GRIK5: variants seen among roughly 807,000 people sequenced by gnomAD.
GRIK5 encodes the protein glutamate receptor ionotropic, kainate 5.
Under a neutral mutation model 97.4 loss-of-function variants are expected in GRIK5, and 43 were observed. The observed-to-expected ratio is 0.44, with a 90% CI of 0.35 to 0.57. GRIK5 has a LOEUF of 0.57. Ranked by LOEUF, GRIK5 falls within the 20% of genes least tolerant of loss-of-function variation. GRIK5 has a pLI of 0.01. For synonymous variants in GRIK5, 580 were observed against 583.5 expected, an observed-to-expected ratio of 0.99 and a Z score of 0.09; for missense variants, 1,015 against 1,382.0, an observed-to-expected ratio of 0.73 and a Z score of 4.21.
intron 8 of GRIK5, among the ~76,000 whole-genome samples, chr19:42,055,698 G>C (rs1322676970): frequency 6.6e-6 from 1 of 150,628 alleles, no homozygotes; most frequent in Non-Finnish European, 1.5e-5. Flanking sequence ...TTTTTCTTTT[G>C]AGACAGAGTC....
chr19:42,007,871 A>G (rs1555873060), intron 15 of GRIK5, among the ~76,000 whole-genome samples: 8 of 152,212 alleles, frequency 5.3e-5, no homozygotes, highest in Non-Finnish European at 1.5e-5. Flanking sequence ...GGATTAAGTT[A>G]GCCCTAGAAT....
intron 12 of GRIK5, among the ~76,000 whole-genome samples, chr19:42,024,203 C>T (rs1325710872): frequency 6.6e-6 from 1 of 151,560 alleles, no homozygotes; most frequent in Non-Finnish European, 1.5e-5. Flanking sequence ...CTCTCACATT[C>T]CCCATTGGCC....
At chr19:42,034,179 T>C (rs2075873667) in intron 12 of GRIK5, among the ~76,000 whole-genome samples, 1 of 151,990 alleles carries the variant, frequency 6.6e-6, no homozygotes, top group African/African-American at 2.4e-5. Context: ...CTGGCCAACA[T>C]GGCAAAACTC....
At position 42,042,268 on chromosome 19, in the gene GRIK5, C is replaced by T. The variant is rs974976362; in HGVS notation, c.1473+284G>A. Reference sequence around the variant, plus strand: ...TGTCTCTTTCATTCACTTAACAAATCTTTGCACACCGACTAATCCAAGGTG... The same window carrying T: ...TGTCTCTTTCATTCACTTAACAAATTTTTGCACACCGACTAATCCAAGGTG... On this transcript the variant is annotated intron_variant, in intron 12 of 19. Coordinates refer to ENST00000593562, the MANE Select transcript of GRIK5 (RefSeq NM_002088.5). The surrounding 1 kb of genome is among the most constrained non-coding windows in gnomAD (Gnocchi z 6.9). Among the ~76,000 whole-genome samples the T allele has an allele frequency of 6.6e-6, 1 of 152,206 alleles. No individual in the cohort carries two copies. Among genetic ancestry groups the T allele is most frequent in the Non-Finnish European group, 1.5e-5 (1 of 68,026 alleles).
Position 42,006,255 on chromosome 19 carries a change from G to A in GRIK5, c.2038-307C>T, listed in dbSNP as rs782258735. ...ACTCAGGCCTCCTTTAGACCACTAG[G>A]ACCTCCCTGCCAAGCTTGCTTTCCT... On this transcript the variant is annotated intron_variant, in intron 16 of 19. Coordinates refer to ENST00000593562, the MANE Select transcript of GRIK5 (RefSeq NM_002088.5). The surrounding 1 kb of genome is among the most constrained non-coding windows in gnomAD (Gnocchi z 5.3). 2.0e-5 allele frequency among the ~76,000 whole-genome samples: 3 copies of A among 151,960 alleles called. No homozygotes were observed. The highest frequency in any genetic ancestry group is 4.4e-5 in the Non-Finnish European group (3 of 67,998).
intron 15 of GRIK5, among the ~76,000 whole-genome samples, chr19:42,013,200 AT>A (rs1435799091): frequency 2.9e-4 from 43 of 150,092 alleles, no homozygotes; most frequent in Middle Eastern, 3.5e-3. Flanking sequence ...AAAAAAAAAA[AT>A]GAAAATAATA....
chr19:42,031,261 G>C (rs1217746728), intron 12 of GRIK5, among the ~76,000 whole-genome samples: 4 of 152,170 alleles, frequency 2.6e-5, no homozygotes, highest in Admixed American at 6.5e-5. Context: ...CACTACCCCT[G>C]CTTCTTCCAA....
chr19:42,031,713 T>C (rs1436324616), intron 12 of GRIK5, among the ~76,000 whole-genome samples: 1 of 152,222 alleles, frequency 6.6e-6, no homozygotes, highest in African/African-American at 2.4e-5. Flanking sequence ...GTAGTCTTTC[T>C]GGAAAATAAT....
At chr19:42,039,346 G>A (rs559633796) in intron 12 of GRIK5, among the ~76,000 whole-genome samples, 6 of 152,292 alleles carry the variant, frequency 3.9e-5, no homozygotes, top group Non-Finnish European at 5.9e-5. Context: ...GGTGGCATGC[G>A]CCTGTAGTCC....
rs917557297 is a variant in GRIK5, at chr19:42,022,431, C to T, written c.1474-77G>A. Reference sequence around the variant, plus strand: ...AAGTGGACAGTTAGAGAGAAATGCACGGAGAGTGAGCAACTGAGGGAGGCG... The same window carrying T: ...AAGTGGACAGTTAGAGAGAAATGCATGGAGAGTGAGCAACTGAGGGAGGCG... On this transcript the variant is annotated intron_variant, in intron 12 of 19. Transcript: ENST00000593562. This position sits in a 1 kb window ranked among gnomAD's most constrained non-coding sequence, Gnocchi z 4.2. 1.0e-5 allele frequency: 15 copies of T among 1,491,616 alleles called. No homozygotes were observed. Among genetic ancestry groups the T allele is most frequent in the South Asian group, 3.6e-5 (3 of 84,488 alleles). 92.4% of individuals were successfully genotyped at this position (1,491,616 alleles called of 1,614,324 possible).
At position 42,021,829 on chromosome 19, in the gene GRIK5, T is replaced by C. The variant is rs1227617624; in HGVS notation, c.1697+118A>G. ...AACTGAGAAAGGAGGGCACAGGGAATCCGAGGCCCCAAAGGGGAGGCCAAG... is the reference window on the plus strand; with the variant it reads ...AACTGAGAAAGGAGGGCACAGGGAACCCGAGGCCCCAAAGGGGAGGCCAAG... On this transcript the variant is annotated intron_variant, in intron 14 of 19. Transcript: ENST00000593562. The surrounding 1 kb of genome is among the most constrained non-coding windows in gnomAD (Gnocchi z 4.2). 1 of 654,300 alleles carries C rather than the reference T, an allele frequency of 1.5e-6. No individual in the cohort carries two copies. The highest frequency in any genetic ancestry group is 2.7e-6 in the Non-Finnish European group (1 of 367,298). The allele number at this position is 654,300 out of a possible 1,614,324, so 40.5% of individuals were successfully genotyped here. A position where few individuals can be genotyped will look rare whatever the true frequency, so the allele number is the denominator to read the frequency against.
chr19:42,016,727 G>C (rs1180790329), intron 15 of GRIK5, among the ~76,000 whole-genome samples: 1 of 152,238 alleles, frequency 6.6e-6, no homozygotes, highest in Non-Finnish European at 1.5e-5. Context: ...CATAGCATGG[G>C]AAGTCCAGCA....
intron 1 of GRIK5, among the ~76,000 whole-genome samples, chr19:42,068,226 G>A (rs1282213660): frequency 6.6e-6 from 1 of 152,056 alleles, no homozygotes; most frequent in African/African-American, 2.4e-5. Context: ...GCACTAGAGG[G>A]GCACAGGCAG....
intron 15 of GRIK5, among the ~76,000 whole-genome samples, chr19:42,011,235 C>T (rs1259245683): frequency 6.6e-6 from 1 of 151,798 alleles, no homozygotes; most frequent in Non-Finnish European, 1.5e-5. Flanking sequence ...TTATATCTTA[C>T]GTGAAATGGT....
Position 42,006,009 on chromosome 19 carries a change from A to G in GRIK5, c.2038-61T>C, listed in dbSNP as rs1555872600. The G allele has an allele frequency of 4.7e-6, 4 of 843,872 alleles. No homozygotes were observed. The highest frequency in any genetic ancestry group is 1.7e-5 in the African/African-American group (1 of 59,660). 52.3% of individuals were successfully genotyped at this position (843,872 alleles called of 1,614,324 possible). A position where few individuals can be genotyped will look rare whatever the true frequency, so the allele number is the denominator to read the frequency against. On this transcript the variant is annotated intron_variant, in intron 16 of 19. Transcript: ENST00000593562. This position sits in a 1 kb window ranked among gnomAD's most constrained non-coding sequence, Gnocchi z 5.3. ...TCTTTCCAGCCGCTTCCTTTCCCCG[A>G]GCCCTTCCCATCCTCCAGGAAGTCT... is the stretch of plus-strand genomic sequence containing the variant.
chr19:42,026,129 G>T (rs1057310485), intron 12 of GRIK5, among the ~76,000 whole-genome samples: 3 of 151,990 alleles, frequency 2.0e-5, no homozygotes, highest in Non-Finnish European at 4.4e-5. Context: ...GGGACCACAG[G>T]TGCGAGCCAC....
chr19:42,039,829 A>C (rs913904132), intron 12 of GRIK5, among the ~76,000 whole-genome samples: 1 of 151,930 alleles, frequency 6.6e-6, no homozygotes, highest in African/African-American at 2.4e-5. Context: ...AAAACACAAA[A>C]ATTACCTAGG....
chr19:42,068,604 G>A (rs978727108), intron 1 of GRIK5: 3 of 419,196 alleles, frequency 7.2e-6, no homozygotes, highest in East Asian at 3.5e-5. Context: ...CAGGTGAGCG[G>A]AGGCACAGAA....
intron 12 of GRIK5, among the ~76,000 whole-genome samples, chr19:42,035,945 T>C (rs551280401): frequency 1.3e-5 from 2 of 152,262 alleles, no homozygotes; most frequent in Admixed American, 6.5e-5. Flanking sequence ...TTTTAATGCA[T>C]ATATACTTGC....
Sources: gnomAD v4.1 joint callset for allele counts (sites outside exome capture counted in the v4.1 genomes callset) on GRCh38, gnomAD v4.1.1 for gene constraint, Gnocchi (gnomAD v3.1) non-coding constraint, MANE v1.5 for transcripts, NCBI Gene and HGNC (gene_info 2026-07-23, HGNC 2026-07-21) for gene names.